TMCO5A: variants seen among roughly 807,000 people sequenced by gnomAD.
The protein encoded by TMCO5A is transmembrane and coiled-coil domain-containing protein 5A.
TMCO5A carries 34 observed loss-of-function variants against 42.3 expected under a neutral mutation model. The observed-to-expected ratio is 0.80, with a 90% CI of 0.61 to 1.07. The LOEUF is 1.07. Ranked by LOEUF, TMCO5A falls within the 50% of genes least tolerant of loss-of-function variation. The pLI is 0.00. For missense variants in TMCO5A, 357 were observed against 327.9 expected, an observed-to-expected ratio of 1.09 and a Z score of -0.69; for synonymous variants, 131 against 115.6, an observed-to-expected ratio of 1.13 and a Z score of -0.86.
chr15:37,971,623 T>C (rs573214111), downstream of TMCO5A, among the ~76,000 whole-genome samples: 5 of 152,244 alleles, frequency 3.3e-5, no homozygotes, highest in African/African-American at 1.2e-4. Flanking sequence ...GTTTCCCTTT[T>C]AAAACAATGT....
chr15:38,018,608 T>C, the TMCO5A span, among the ~76,000 whole-genome samples: 2,119 of 151,860 alleles, frequency 0.014, 48 homozygotes, highest in African/African-American at 0.048. Context: ...ATATGGAAGA[T>C]AGGTCTAAAA....
At chr15:37,952,923 G>A (rs367757590), downstream of TMCO5A, among the ~76,000 whole-genome samples, 5 of 152,216 alleles carry the variant, frequency 3.3e-5, no homozygotes, top group South Asian at 2.1e-4. Flanking sequence ...GTGGTAGTCC[G>A]GCAGTACTCC....
intron 11 of TMCO5A, among the ~76,000 whole-genome samples, chr15:37,961,977 T>G (rs980558370): frequency 8.5e-5 from 13 of 152,118 alleles, no homozygotes; most frequent in Non-Finnish European, 1.8e-4. Context: ...AATCATATCA[T>G]CAGCAAACAG....
At chr15:37,951,693 A>G (rs1246602486), downstream of TMCO5A, among the ~76,000 whole-genome samples, 5 of 152,162 alleles carry the variant, frequency 3.3e-5, no homozygotes, top group African/African-American at 1.2e-4. Context: ...AAGTCTGTGA[A>G]TAAATAAGCC....
At chr15:37,971,964 A>G (rs1890681756), downstream of TMCO5A, among the ~76,000 whole-genome samples, 1 of 151,808 alleles carries the variant, frequency 6.6e-6, no homozygotes, top group Admixed American at 6.6e-5. Context: ...AACTGTTCCA[A>G]CCTCTGCCTG....
the TMCO5A span, among the ~76,000 whole-genome samples, chr15:38,016,673 G>C: frequency 6.6e-6 from 1 of 152,114 alleles, no homozygotes; most frequent in African/African-American, 2.4e-5. Flanking sequence ...CAAAGGAAAG[G>C]TATATAATAA....
chr15:37,999,188 G>A, the TMCO5A span, among the ~76,000 whole-genome samples: 1 of 152,234 alleles, frequency 6.6e-6, no homozygotes, highest in Non-Finnish European at 1.5e-5. Flanking sequence ...TTACAGGCGT[G>A]AGCCACCACA....
At chr15:38,036,494 T>TCA in the TMCO5A span, among the ~76,000 whole-genome samples, 538 of 135,616 alleles carry the variant, frequency 4.0e-3, 3 homozygotes, top group Admixed American at 7.0e-3. Flanking sequence ...TCTCTCTCTC[T>TCA]CTCACACACA....
the TMCO5A span, among the ~76,000 whole-genome samples, chr15:38,039,455 C>T: frequency 3.2e-4 from 48 of 152,202 alleles, no homozygotes; most frequent in African/African-American, 1.0e-3. Flanking sequence ...GCTCTCATTA[C>T]ATAAGTTATC....
chr15:37,972,845 T>C, the TMCO5A span, among the ~76,000 whole-genome samples: 1,276 of 152,318 alleles, frequency 8.4e-3, 22 homozygotes, highest in African/African-American at 0.028. Context: ...CATCATGAAA[T>C]CTTTGTGAGG....
the TMCO5A span, among the ~76,000 whole-genome samples, chr15:37,984,326 A>G: frequency 6.6e-6 from 1 of 152,306 alleles, no homozygotes; most frequent in Non-Finnish European, 1.5e-5. Context: ...GGAGACAGAG[A>G]AGCAGTAGGA....
At chr15:38,027,437 T>C in the TMCO5A span, among the ~76,000 whole-genome samples, 83 of 152,338 alleles carry the variant, frequency 5.4e-4, no homozygotes, top group South Asian at 1.0e-3. Flanking sequence ...ATTTACCCAA[T>C]ACCTGTACTG....
the TMCO5A span, among the ~76,000 whole-genome samples, chr15:37,993,216 T>C: frequency 6.6e-6 from 1 of 152,080 alleles, no homozygotes; most frequent in Non-Finnish European, 1.5e-5. Flanking sequence ...ACCATCTGGA[T>C]TTTCTTGGGG....
At chr15:37,983,569 G>C in the TMCO5A span, among the ~76,000 whole-genome samples, 2 of 152,108 alleles carry the variant, frequency 1.3e-5, no homozygotes, top group African/African-American at 4.8e-5. Context: ...GCACCAGAGG[G>C]ACTCTCAAAT....
chr15:37,946,782 A>G (rs925069402), intron 10 of TMCO5A, among the ~76,000 whole-genome samples: 2 of 152,100 alleles, frequency 1.3e-5, no homozygotes, highest in Admixed American at 1.3e-4. Flanking sequence ...TAGATATAGG[A>G]TCATGTCACC....
chr15:37,969,525 A>G (rs1406204006), downstream of TMCO5A, among the ~76,000 whole-genome samples: 2 of 152,228 alleles, frequency 1.3e-5, no homozygotes, highest in South Asian at 2.1e-4. Flanking sequence ...AGGGTTTCCA[A>G]TAAAGTTCTG....
chr15:37,943,304 C>T (rs778461317), intron 9 of TMCO5A, 37 bp from the exon 10 acceptor site: 2 of 1,604,474 alleles, frequency 1.2e-6, no homozygotes, highest in South Asian at 2.2e-5. Flanking sequence ...TTTCAGTGCA[C>T]TTTGTTCAAT....
chr15:38,026,913 G>C, the TMCO5A span, among the ~76,000 whole-genome samples: 1 of 152,254 alleles, frequency 6.6e-6, no homozygotes, highest in Non-Finnish European at 1.5e-5. Flanking sequence ...GTGCACAGAA[G>C]TCAAGAACTG....
chr15:38,013,807 T>A, the TMCO5A span, among the ~76,000 whole-genome samples: 1 of 152,218 alleles, frequency 6.6e-6, no homozygotes, highest in East Asian at 1.9e-4. Context: ...ATAAATTTAG[T>A]GACTTAAAAC....
Sources: gnomAD v4.1 joint callset for allele counts (sites outside exome capture counted in the v4.1 genomes callset) on GRCh38, gnomAD v4.1.1 for gene constraint, MANE v1.5 for transcripts, NCBI Gene and HGNC (gene_info 2026-07-23, HGNC 2026-07-21) for gene names.